Variants in LRP1B observed in about 807,000 individuals in gnomAD.
The protein encoded by LRP1B is LDL receptor related protein 1B.
In LRP1B, 217 loss-of-function variants were observed where a neutral mutation model predicts 556.6. The observed-to-expected ratio is 0.39, with a 90% CI of 0.35 to 0.44. LRP1B has a LOEUF of 0.44. LRP1B is among the 20% of genes least tolerant of loss of function. LRP1B has a pLI of 1.00. For missense variants in LRP1B, 5,053 were observed against 5,620.8 expected, an observed-to-expected ratio of 0.90 and a Z score of 3.23; for synonymous variants, 2,047 against 1,865.8, an observed-to-expected ratio of 1.10 and a Z score of -2.50.
intron 1 of LRP1B, among the ~76,000 whole-genome samples, chr2:141,981,501 G>A (rs918319511): frequency 6.6e-6 from 1 of 152,102 alleles, no homozygotes. Context: ...GGGGTCCAGA[G>A]AATCACTCCC....
At chr2:140,641,342 A>C (rs1684285896) in intron 41 of LRP1B, among the ~76,000 whole-genome samples, 1 of 152,204 alleles carries the variant, frequency 6.6e-6, no homozygotes, top group Non-Finnish European at 1.5e-5. Flanking sequence ...CTAAATCAAC[A>C]TATTTTTAGA....
intron 77 of LRP1B, among the ~76,000 whole-genome samples, chr2:140,349,635 G>T (rs1402845870): frequency 6.6e-6 from 1 of 151,936 alleles, no homozygotes; most frequent in East Asian, 1.9e-4. Context: ...TAAGCAACAG[G>T]AATAAGATTC....
chr2:141,902,478 T>A (rs1699647913), intron 1 of LRP1B, among the ~76,000 whole-genome samples: 1 of 151,960 alleles, frequency 6.6e-6, no homozygotes, highest in Non-Finnish European at 1.5e-5. Context: ...TCAAAGCCTA[T>A]TCCGGGGGCT....
At chr2:141,883,932 T>G (rs913889296) in intron 1 of LRP1B, among the ~76,000 whole-genome samples, 1 of 152,214 alleles carries the variant, frequency 6.6e-6, no homozygotes, top group African/African-American at 2.4e-5. Context: ...CTTATGTATA[T>G]GAACATGTAA....
chr2:142,012,117 G>A (rs930206048), intron 1 of LRP1B, among the ~76,000 whole-genome samples: 8 of 151,978 alleles, frequency 5.3e-5, no homozygotes, highest in South Asian at 4.1e-4. Flanking sequence ...ATTCATTATC[G>A]TCTTCATCTC....
chr2:142,073,857 G>T (rs972402730), intron 1 of LRP1B, among the ~76,000 whole-genome samples: 1 of 151,826 alleles, frequency 6.6e-6, no homozygotes, highest in African/African-American at 2.4e-5. Flanking sequence ...CCAGCCACGT[G>T]CACTGCTGGC....
chr2:142,045,837 G>A (rs999367373), intron 1 of LRP1B, among the ~76,000 whole-genome samples: 5 of 151,762 alleles, frequency 3.3e-5, no homozygotes, highest in African/African-American at 4.8e-5. Context: ...TTGAGCCTCC[G>A]TCTCTTTGGC....
chr2:141,725,397 T>C (rs1692991341), intron 2 of LRP1B, among the ~76,000 whole-genome samples: 1 of 151,948 alleles, frequency 6.6e-6, no homozygotes, highest in Admixed American at 6.6e-5. Flanking sequence ...AAGTGTGAAA[T>C]GCTCACTGAT....
intron 76 of LRP1B, 92 bp downstream of exon 76, chr2:140,352,861 G>C (rs949936740): frequency 8.2e-7 from 1 of 1,220,322 alleles, no homozygotes; most frequent in Non-Finnish European, 1.2e-6. Flanking sequence ...CAGAAATGAA[G>C]CTGTTGCTGG....
chr2:141,799,413 G>C (rs1695929529), intron 2 of LRP1B, among the ~76,000 whole-genome samples: 1 of 152,156 alleles, frequency 6.6e-6, no homozygotes, highest in African/African-American at 2.4e-5. Flanking sequence ...CCACTGCTTG[G>C]TTTGAAAATG....
intron 1 of LRP1B, among the ~76,000 whole-genome samples, chr2:142,019,699 T>C (rs1559026003): frequency 6.6e-6 from 1 of 152,176 alleles, no homozygotes; most frequent in Non-Finnish European, 1.5e-5. Context: ...ACAGGGTCCT[T>C]GTATTTGCAA....
rs150280023 is a variant in LRP1B at position 140,782,312 on chromosome 2, T to G, written c.5360-6074A>C. Among the ~76,000 whole-genome samples, 24 of 152,304 alleles carry G rather than the reference T, an allele frequency of 1.6e-4. No homozygotes were observed. In the East Asian group the frequency reaches 4.6e-3, roughly 29 times the overall value. ...TGAGACTGTATTTAGAGAAAGAGTC[T>G]TTAAAGAGATATTTAATAATTAAGT... is the stretch of plus-strand genomic sequence containing the variant. On this transcript the variant is annotated intron_variant, in intron 32 of 90. Transcript: ENST00000389484.
At chr2:141,010,125 T>C (rs1697698088) in intron 14 of LRP1B, among the ~76,000 whole-genome samples, 1 of 152,094 alleles carries the variant, frequency 6.6e-6, no homozygotes. Flanking sequence ...CTTCTATTTG[T>C]CATAAAATAA....
intron 1 of LRP1B, 44 bp from the exon 2 acceptor site, chr2:141,810,445 C>T (rs753726891): frequency 1.2e-6 from 2 of 1,602,614 alleles, no homozygotes; most frequent in South Asian, 1.1e-5. Context: ...ATGATCTGAA[C>T]ATGGGCAGAA....
intron 18 of LRP1B, among the ~76,000 whole-genome samples, chr2:140,966,906 C>T (rs1276327771): frequency 6.6e-6 from 1 of 152,070 alleles, no homozygotes; most frequent in Non-Finnish European, 1.5e-5. Context: ...GTCTGTATCT[C>T]TGTTTTGGTA....
chr2:140,806,207 AATAAATTTCTG>A (rs1361079973), intron 32 of LRP1B, among the ~76,000 whole-genome samples: 4 of 152,124 alleles, frequency 2.6e-5, no homozygotes, highest in African/African-American at 9.7e-5. Context: ...AACTGTGAGA[AATAAATTTCTG>A]ATGTTTTTAA....
At chr2:140,392,158 A>T (rs956832071) in intron 66 of LRP1B, among the ~76,000 whole-genome samples, 1 of 152,192 alleles carries the variant, frequency 6.6e-6, no homozygotes, top group Non-Finnish European at 1.5e-5. Context: ...ACATCAGGCA[A>T]ACCTGTCTTT....
At chr2:141,557,682 C>A (rs748158502) in intron 2 of LRP1B, among the ~76,000 whole-genome samples, 1 of 151,838 alleles carries the variant, frequency 6.6e-6, no homozygotes, top group African/African-American at 2.4e-5. Context: ...AAAGAAGAAA[C>A]CTGGAGAAAC....
intron 1 of LRP1B, among the ~76,000 whole-genome samples, chr2:142,001,773 A>G (rs1234712876): frequency 6.6e-6 from 1 of 152,180 alleles, no homozygotes; most frequent in African/African-American, 2.4e-5. Flanking sequence ...TTTCATACCA[A>G]CTTCAGATGA....
Sources: allele counts gnomAD v4.1 joint callset (sites outside exome capture counted in the v4.1 genomes callset), GRCh38; gene constraint gnomAD v4.1.1; transcripts MANE v1.5; gene names NCBI Gene and HGNC (gene_info 2026-07-23, HGNC 2026-07-21).